The following WDFY3 variants were observed in gnomAD, a reference collection of about 807,000 sequenced individuals.
The protein encoded by WDFY3 is WD repeat and FYVE domain-containing protein 3.
Under a neutral mutation model 409.6 loss-of-function variants are expected in WDFY3, and 66 were observed. That is an observed-to-expected ratio of 0.16 (90% CI 0.13 to 0.20). WDFY3 has a LOEUF of 0.20. Ranked by LOEUF, WDFY3 falls within the 10% of genes least tolerant of loss-of-function variation. The probability of loss-of-function intolerance (pLI) is 1.00; values close to 1 mark genes in which losing one functional copy is unlikely to be tolerated. For missense variants in WDFY3, 3,031 were observed against 4,298.1 expected, an observed-to-expected ratio of 0.71 and a Z score of 8.24; for synonymous variants, 1,521 against 1,537.1, an observed-to-expected ratio of 0.99 and a Z score of 0.25.
intron 3 of WDFY3, among the ~76,000 whole-genome samples, chr4:84,865,543 G>A (rs981120994): frequency 5.3e-5 from 8 of 152,274 alleles, no homozygotes; most frequent in South Asian, 2.1e-4. Context: ...GCCTGCCTTC[G>A]GCAAAAATCT....
At position 84,753,857 on chromosome 4, in the gene WDFY3, T is replaced by C; in HGVS notation, c.5579A>G (p.Glu1860Gly). 6.3e-7 allele frequency: 1 copy of C among 1,596,516 alleles called. No homozygotes were observed. Among genetic ancestry groups the C allele is most frequent in the Non-Finnish European group, 8.5e-7 (1 of 1,173,160 alleles). The part of the protein sequence containing the change: ...MLTSPWQSEE[E>G]GSWLREYPVT... ...AGGATATTCTCGGAGCCAAGATCCC[T>C]CTTCTTCTGATTGCCAAGGCTGTTA... Residue 1860 changes from glutamate to glycine, a missense_variant, in exon 35 of 68, where the codon GAG (glutamate) becomes GGG (glycine). Around this residue, in one of 16 missense-constraint regions of WDFY3, gnomAD observed 342 missense variants for 463.7 expected, o/e 0.74. Transcript: ENST00000295888.
Position 84,740,316 on chromosome 4 carries a change from T to C in WDFY3, c.6335A>G (p.Gln2112Arg), listed in dbSNP as rs1738182380. ...QFSRAHKTVP[Q>R]QVALLDSLRV... is the part of the protein sequence containing the mutation. ...GAGTGAATCAAGCAGAGCTACTTGC[T>C]GAGGAACGGTTTTGTGTGCCCGTGA... Residue 2112 changes from glutamine to arginine, a missense_variant, in exon 39 of 68, where the codon CAG becomes CGG. By Grantham distance (43) the Gln-to-Arg change is conservative. Around this residue, in one of 16 missense-constraint regions of WDFY3, gnomAD observed 314 missense variants for 397.4 expected, o/e 0.79. Coordinates refer to ENST00000295888, the MANE Select transcript of WDFY3 (RefSeq NM_014991.6). The C allele has an allele frequency of 6.2e-7, 1 of 1,614,018 alleles. No homozygotes were observed. Among genetic ancestry groups the C allele is most frequent in the Admixed American group, 1.7e-5 (1 of 59,996 alleles).
At chr4:84,959,920 C>G (rs978959185) in intron 1 of WDFY3, among the ~76,000 whole-genome samples, 2 of 152,124 alleles carry the variant, frequency 1.3e-5, no homozygotes, top group African/African-American at 4.8e-5. Flanking sequence ...AAAAGGAAGG[C>G]TATAATCTTA....
Position 84,756,949 on chromosome 4 carries a change from A to G in WDFY3, c.5401T>C (p.Cys1801Arg). The G allele has an allele frequency of 6.2e-7, 1 of 1,614,026 alleles. No homozygotes were observed. Among genetic ancestry groups the G allele is most frequent in the South Asian group, 1.1e-5 (1 of 91,086 alleles). ...ACCTGGCAACCCTGCTTACTCCGGCAGCTGATGACAGGCACACTGACCTGC... is the reference window on the plus strand; with the variant it reads ...ACCTGGCAACCCTGCTTACTCCGGCGGCTGATGACAGGCACACTGACCTGC... ...NLQVSVPVIS[C>R]RSKQGCQFDL... The change falls in exon 33 of 68, where the codon TGC becomes CGC. Residue 1801 changes from cysteine (C) to arginine (R), a missense_variant. Transcript: ENST00000295888.
intron 1 of WDFY3, among the ~76,000 whole-genome samples, chr4:84,949,498 G>A (rs1328704470): frequency 1.3e-5 from 2 of 152,070 alleles, no homozygotes; most frequent in Non-Finnish European, 2.9e-5. Context: ...AGTTCTAGAA[G>A]CAATTTCTTA....
intron 5 of WDFY3, among the ~76,000 whole-genome samples, chr4:84,847,603 A>T (rs1476395071): frequency 8.2e-6 from 1 of 122,020 alleles, no homozygotes; most frequent in African/African-American, 3.4e-5. Flanking sequence ...CGTCTCTACT[A>T]AAAAAAAAAA....
At chr4:84,832,713 T>C (rs1755922705) in intron 7 of WDFY3, among the ~76,000 whole-genome samples, 1 of 152,180 alleles carries the variant, frequency 6.6e-6, no homozygotes, top group Non-Finnish European at 1.5e-5. Context: ...AGTAAACTAG[T>C]CCTACTTATA....
intron 47 of WDFY3, among the ~76,000 whole-genome samples, chr4:84,720,940 T>C (rs1734769015): frequency 6.6e-6 from 1 of 152,048 alleles, no homozygotes; most frequent in Non-Finnish European, 1.5e-5. Flanking sequence ...AGCAGGGTAT[T>C]GGAGGTTGAG....
In WDFY3 at chr4:84,679,146, G is replaced by A; in HGVS notation, c.9920C>T (p.Thr3307Ile). Residue 3307 changes from threonine to isoleucine, a missense_variant, in exon 65 of 68, where the codon ACC (threonine) becomes ATC (isoleucine). Physicochemically the swap from Thr to Ile is moderately conservative, Grantham distance 89. Transcript: ENST00000295888. ...GGAGGCTGCCCGGGGCCTGTGGCTG[G>A]TGCTGCTGGGTTGGCTTGGAGTGTC... is the stretch of plus-strand genomic sequence containing the variant. ...PKDTPSQPSS[T>I]SHRPRAASCR... 6.2e-7 allele frequency: 1 copy of A among 1,614,040 alleles called. No individual in the cohort carries two copies. Among genetic ancestry groups the A allele is most frequent in the Non-Finnish European group, 8.5e-7 (1 of 1,179,960 alleles).
In WDFY3 at chr4:84,960,679, T is replaced by C. The variant is rs76182394; in HGVS notation, c.-226+5530A>G. ...TTAAAAAAAAGAAGGGGTCTCACTA[T>C]GTTGCCCAGGCTGGTCTCGAATTTC... On this transcript the variant is annotated intron_variant, in intron 1 of 67. Coordinates refer to ENST00000295888, the MANE Select transcript of WDFY3 (RefSeq NM_014991.6). 9.0e-3 allele frequency among the ~76,000 whole-genome samples: 1,372 copies of C among 152,256 alleles called. 10 individuals are homozygous for C. The highest frequency in any genetic ancestry group is 0.016 in the Non-Finnish European group (1,071 of 68,000).
intron 62 of WDFY3, among the ~76,000 whole-genome samples, chr4:84,686,121 C>G (rs182176592): frequency 6.6e-6 from 1 of 152,022 alleles, no homozygotes; most frequent in Non-Finnish European, 1.5e-5. Context: ...TTCGCTAACA[C>G]GGTGAAACCC....
At chr4:84,905,032 G>A (rs944816538) in intron 2 of WDFY3, among the ~76,000 whole-genome samples, 14 of 150,006 alleles carry the variant, frequency 9.3e-5, no homozygotes, top group African/African-American at 2.7e-4. Flanking sequence ...CTGCGCACAC[G>A]GGGAAAGACC....
At chr4:84,905,512 T>C (rs1766925023) in intron 2 of WDFY3, among the ~76,000 whole-genome samples, 1 of 152,162 alleles carries the variant, frequency 6.6e-6, no homozygotes, top group African/African-American at 2.4e-5. Flanking sequence ...ACAGACTAGA[T>C]CTCATCTATC....
At chr4:84,747,310 T>C (rs1229592502) in intron 36 of WDFY3, among the ~76,000 whole-genome samples, 1 of 152,218 alleles carries the variant, frequency 6.6e-6, no homozygotes, top group Non-Finnish European at 1.5e-5. Flanking sequence ...GTCCTGTTTC[T>C]GTAATGGGCT....
intron 2 of WDFY3, among the ~76,000 whole-genome samples, chr4:84,924,517 T>C (rs1409320737): frequency 3.9e-5 from 6 of 152,166 alleles, no homozygotes; most frequent in African/African-American, 1.4e-4. Flanking sequence ...TCTTTAATCC[T>C]AACAACAATC....
At chr4:84,701,384 A>G (rs1414103881) in intron 56 of WDFY3, among the ~76,000 whole-genome samples, 1 of 152,214 alleles carries the variant, frequency 6.6e-6, no homozygotes, top group Non-Finnish European at 1.5e-5. Context: ...AAATACATAA[A>G]AATTATCTTT....
chr4:84,828,191 G>A (rs184843807), intron 9 of WDFY3, among the ~76,000 whole-genome samples: 52 of 152,086 alleles, frequency 3.4e-4, no homozygotes, highest in African/African-American at 1.2e-3. Context: ...AATGGCCCAG[G>A]AATAGCTGCT....
intron 2 of WDFY3, among the ~76,000 whole-genome samples, chr4:84,902,969 G>C (rs1242717393): frequency 6.6e-6 from 1 of 152,258 alleles, no homozygotes. Context: ...CTCAAGATGT[G>C]TATTATTAGG....
intron 2 of WDFY3, among the ~76,000 whole-genome samples, chr4:84,930,883 T>C (rs1011875108): frequency 6.6e-6 from 1 of 152,212 alleles, no homozygotes; most frequent in Non-Finnish European, 1.5e-5. Context: ...CCTTTATCCA[T>C]GATTTCACCC....
Sources: gnomAD v4.1 joint callset for allele counts (sites outside exome capture counted in the v4.1 genomes callset) on GRCh38, gnomAD v4.1.1 for gene constraint, gnomAD v4.1.1 regional missense constraint, MANE v1.5 for transcripts, NCBI Gene and HGNC (gene_info 2026-07-23, HGNC 2026-07-21) for gene names.